BCL2: variants seen among roughly 807,000 people sequenced by gnomAD.
BCL2 encodes the protein apoptosis regulator Bcl-2.
BCL2 carries 1 observed loss-of-function variant against 14.2 expected under a neutral mutation model. The ratio of observed to expected loss-of-function variants is 0.07; its 90% CI spans 0.02 to 0.33. The LOEUF (loss-of-function observed/expected upper bound fraction) is 0.33. Ranked by LOEUF, BCL2 falls within the 10% of genes least tolerant of loss-of-function variation. BCL2 has a pLI of 0.99. For missense variants in BCL2, 247 were observed against 305.9 expected (o/e 0.81, Z 1.44); for synonymous variants, 151 against 137.2 (o/e 1.10, Z -0.70).
At chr18:63,241,791 C>G (rs1911009429) in intron 2 of BCL2, among the ~76,000 whole-genome samples, 1 of 152,202 alleles carries the variant, frequency 6.6e-6, no homozygotes, top group African/African-American at 2.4e-5. Flanking sequence ...CCCGGCCTGC[C>G]ACCCTGGCCT....
chr18:63,285,741 G>A (rs1410683634), intron 2 of BCL2, among the ~76,000 whole-genome samples: 4 of 152,186 alleles, frequency 2.6e-5, no homozygotes, highest in Non-Finnish European at 5.9e-5. Flanking sequence ...TTTCCATGCA[G>A]GGCAAATCTG....
At chr18:63,129,973 C>T (rs559076089) in intron 2 of BCL2, among the ~76,000 whole-genome samples, 11 of 152,302 alleles carry the variant, frequency 7.2e-5, no homozygotes, top group Admixed American at 2.0e-4. Context: ...ACTGGATGTG[C>T]AGGTCCCTGA....
chr18:63,268,385 G>A (rs1188880907), intron 2 of BCL2, among the ~76,000 whole-genome samples: 1 of 152,216 alleles, frequency 6.6e-6, no homozygotes, highest in Admixed American at 6.5e-5. Context: ...CAAAAAAAGT[G>A]TGTTTAGGCA....
chr18:63,252,270 T>C (rs1347774156), intron 2 of BCL2, among the ~76,000 whole-genome samples: 1 of 152,236 alleles, frequency 6.6e-6, no homozygotes, highest in Non-Finnish European at 1.5e-5. Flanking sequence ...CACATCTTAC[T>C]GACAGAAAAT....
rs1005793 is a variant in BCL2, at chr18:63,222,927, A to T, written c.586-94168T>A. On this transcript the variant is annotated intron_variant, in intron 2 of 2. Coordinates refer to ENST00000333681, the MANE Select transcript of BCL2 (RefSeq NM_000633.3). ...TAACAAGATTTTAGAAATAACAGTA[A>T]TAAGATTTTAGAAGACGGAAAGCAG... is the stretch of plus-strand genomic sequence containing the variant. 6.4e-4 allele frequency among the ~76,000 whole-genome samples: 97 copies of T among 152,240 alleles called. 2 individuals are homozygous for T. The highest frequency in any genetic ancestry group is 6.2e-3 in the Admixed American group (95 of 15,302).
At chr18:63,155,393 G>C (rs1427634378) in intron 2 of BCL2, among the ~76,000 whole-genome samples, 1 of 152,140 alleles carries the variant, frequency 6.6e-6, no homozygotes, top group Non-Finnish European at 1.5e-5. Flanking sequence ...CACGAGACAG[G>C]ACGTGATTGA....
intron 2 of BCL2, among the ~76,000 whole-genome samples, chr18:63,251,439 C>T (rs1173137098): frequency 6.6e-6 from 1 of 151,798 alleles, no homozygotes; most frequent in Non-Finnish European, 1.5e-5. Context: ...GTCAGGAGAT[C>T]GAGACCATCC....
At chr18:63,215,196 G>A (rs529519457) in intron 2 of BCL2, among the ~76,000 whole-genome samples, 4 of 152,268 alleles carry the variant, frequency 2.6e-5, no homozygotes, top group South Asian at 2.1e-4. Flanking sequence ...TAGAGGCATC[G>A]TCCCTTGGCA....
intron 2 of BCL2, among the ~76,000 whole-genome samples, chr18:63,278,897 A>G (rs1162530648): frequency 6.6e-6 from 1 of 152,136 alleles, no homozygotes; most frequent in Non-Finnish European, 1.5e-5. Flanking sequence ...ATATACAGAC[A>G]CCTAAGTTTT....
At chr18:63,174,768 C>T (rs540149976) in intron 2 of BCL2, among the ~76,000 whole-genome samples, 171 of 140,368 alleles carry the variant, frequency 1.2e-3, no homozygotes, top group African/African-American at 4.4e-3. Flanking sequence ...TGCAGGGAGT[C>T]GAGATCATGC....
chr18:63,194,298 A>C (rs1909379295), intron 2 of BCL2, among the ~76,000 whole-genome samples: 1 of 151,696 alleles, frequency 6.6e-6, no homozygotes, highest in Non-Finnish European at 1.5e-5. Context: ...GAATTATTGG[A>C]TATGTTTTTA....
chr18:63,215,491 G>C (rs537111816), intron 2 of BCL2, among the ~76,000 whole-genome samples: 27 of 152,310 alleles, frequency 1.8e-4, no homozygotes, highest in African/African-American at 6.5e-4. Context: ...AGGGACATAT[G>C]ATATGATCTG....
intron 2 of BCL2, among the ~76,000 whole-genome samples, chr18:63,252,040 T>G (rs1911334106): frequency 6.6e-6 from 1 of 152,152 alleles, no homozygotes; most frequent in African/African-American, 2.4e-5. Flanking sequence ...ACATTTTTAT[T>G]CAATCTTAAG....
chr18:63,280,719 T>C (rs528909508), intron 2 of BCL2, among the ~76,000 whole-genome samples: 1 of 152,296 alleles, frequency 6.6e-6, no homozygotes, highest in African/African-American at 2.4e-5. Flanking sequence ...CTGGAACCCT[T>C]GTACACTGCT....
At chr18:63,159,838 T>TC (rs760817070) in intron 2 of BCL2, among the ~76,000 whole-genome samples, 1 of 152,230 alleles carries the variant, frequency 6.6e-6, no homozygotes, top group East Asian at 1.9e-4. Context: ...TGCAAAGATT[T>TC]CCCCGCACAG....
At chr18:63,316,879 G>A (rs1161527827) in intron 2 of BCL2, 3 of 151,204 alleles carry the variant, frequency 2.0e-5, no homozygotes, top group Admixed American at 2.0e-4. Flanking sequence ...ATAAAAGGAA[G>A]CACTGAATTG....
At chr18:63,232,398 T>A (rs149632877) in intron 2 of BCL2, among the ~76,000 whole-genome samples, 2 of 152,248 alleles carry the variant, frequency 1.3e-5, no homozygotes, top group East Asian at 3.9e-4. Context: ...TTTCTGTAAG[T>A]ATTCATAATA....
intron 2 of BCL2, among the ~76,000 whole-genome samples, chr18:63,183,076 G>A (rs1018492238): frequency 8.5e-5 from 13 of 152,178 alleles, no homozygotes; most frequent in African/African-American, 3.1e-4. Context: ...TCACACTGAT[G>A]GTGGGGCTCA....
chr18:63,141,603 C>T (rs1914363349), intron 2 of BCL2, among the ~76,000 whole-genome samples: 1 of 152,236 alleles, frequency 6.6e-6, no homozygotes, highest in Non-Finnish European at 1.5e-5. Flanking sequence ...AGGTGGGAAG[C>T]TCTGATTATA....
Sources: allele counts gnomAD v4.1 joint callset (sites outside exome capture counted in the v4.1 genomes callset), GRCh38; gene constraint gnomAD v4.1.1; transcripts MANE v1.5; gene names NCBI Gene and HGNC (gene_info 2026-07-23, HGNC 2026-07-21).